Variants in EFCAB6 observed in about 807,000 individuals in gnomAD.
EFCAB6 encodes EF-hand calcium binding domain 6, also known as EF-hand calcium-binding domain-containing protein 6.
EFCAB6 carries 156 observed loss-of-function variants against 169.8 expected under a neutral mutation model. The ratio of observed to expected loss-of-function variants is 0.92; its 90% CI spans 0.81 to 1.05. EFCAB6 has a LOEUF of 1.05. EFCAB6 is among the 50% of genes least tolerant of loss of function. The pLI is 0.00. For synonymous variants in EFCAB6, 698 were observed against 676.4 expected, an observed-to-expected ratio of 1.03 and a Z score of -0.50; for missense variants, 1,800 against 1,829.1, an observed-to-expected ratio of 0.98 and a Z score of 0.29.
intron 6 of EFCAB6, among the ~76,000 whole-genome samples, chr22:43,741,960 C>CA (rs1227989408): frequency 2.6e-5 from 4 of 152,114 alleles, no homozygotes; most frequent in Non-Finnish European, 5.9e-5. Flanking sequence ...GAGGAGTACT[C>CA]AGAGAGCCAA....
At chr22:43,664,165 G>A (rs1325318510) in intron 17 of EFCAB6, among the ~76,000 whole-genome samples, 1 of 152,180 alleles carries the variant, frequency 6.6e-6, no homozygotes, top group East Asian at 1.9e-4. Flanking sequence ...GTAATTCATG[G>A]GGCAGAGAAG....
intron 27 of EFCAB6, among the ~76,000 whole-genome samples, chr22:43,550,142 G>A (rs1343664400): frequency 6.6e-6 from 1 of 152,224 alleles, no homozygotes; most frequent in Non-Finnish European, 1.5e-5. Flanking sequence ...GGGGAAGGCT[G>A]AAGTTCAGCC....
At chr22:43,794,424 C>T (rs1275096539) in intron 2 of EFCAB6, among the ~76,000 whole-genome samples, 1 of 152,108 alleles carries the variant, frequency 6.6e-6, no homozygotes, top group East Asian at 1.9e-4. Flanking sequence ...AAGCCAAGAC[C>T]CAAACTCCGG....
intron 3 of EFCAB6, among the ~76,000 whole-genome samples, chr22:43,776,246 G>C (rs553099168): frequency 6.6e-6 from 1 of 152,316 alleles, no homozygotes; most frequent in East Asian, 1.9e-4. Flanking sequence ...AAGAGGAGAA[G>C]GGGCCGTGGG....
At chr22:43,582,341 T>TACACACACAC (rs34578401) in intron 24 of EFCAB6, among the ~76,000 whole-genome samples, 52 of 148,368 alleles carry the variant, frequency 3.5e-4, no homozygotes, top group Admixed American at 8.0e-4. Flanking sequence ...TCTATACACA[T>TACACACACAC]ACACACACAC....
intron 8 of EFCAB6, 43 bp from the exon 9 acceptor site, chr22:43,717,015 GT>G: frequency 1.4e-6 from 2 of 1,416,150 alleles, no homozygotes; most frequent in Non-Finnish European, 1.8e-6. Flanking sequence ...ATTGTCAAAG[GT>G]TAAACATTTA....
intron 2 of EFCAB6, among the ~76,000 whole-genome samples, chr22:43,788,934 C>T: frequency 6.6e-6 from 1 of 152,222 alleles, no homozygotes; most frequent in Non-Finnish European, 1.5e-5. Flanking sequence ...CATGCAGTAA[C>T]ATGGATCAAC....
At chr22:43,617,467 GC>G (rs1278075025) in intron 20 of EFCAB6, among the ~76,000 whole-genome samples, 1 of 152,130 alleles carries the variant, frequency 6.6e-6, no homozygotes, top group Non-Finnish European at 1.5e-5. Flanking sequence ...AGAATATAAG[GC>G]TTGATTATTT....
chr22:43,651,439 G>A (rs183512564), intron 17 of EFCAB6, among the ~76,000 whole-genome samples: 22 of 152,368 alleles, frequency 1.4e-4, no homozygotes, highest in African/African-American at 3.8e-4. Context: ...CTACGGAAAC[G>A]CCTGGATGTC....
intron 27 of EFCAB6, chr22:43,551,800 C>T (rs1281835118): frequency 6.7e-6 from 1 of 150,282 alleles, no homozygotes; most frequent in Non-Finnish European, 1.5e-5. Flanking sequence ...AGGATAATGG[C>T]TTCTAACTCC....
intron 24 of EFCAB6, among the ~76,000 whole-genome samples, chr22:43,589,670 C>G (rs1457332598): frequency 6.6e-6 from 1 of 152,114 alleles, no homozygotes; most frequent in Admixed American, 6.5e-5. Flanking sequence ...CACCTGTAAT[C>G]CCAGCTACTT....
chr22:43,617,983 T>G (rs541779383), intron 20 of EFCAB6, among the ~76,000 whole-genome samples: 1 of 151,196 alleles, frequency 6.6e-6, no homozygotes, highest in Admixed American at 6.6e-5. Context: ...ACGCCTATAA[T>G]CCCAGCTACT....
intron 10 of EFCAB6, among the ~76,000 whole-genome samples, chr22:43,700,395 AT>A (rs1403057797): frequency 6.6e-6 from 1 of 152,154 alleles, no homozygotes; most frequent in Non-Finnish European, 1.5e-5. Flanking sequence ...AAGATTTTAG[AT>A]TTTATTTTAC....
chr22:43,810,059 G>T (rs2063058075), intron 1 of EFCAB6, among the ~76,000 whole-genome samples: 1 of 151,694 alleles, frequency 6.6e-6, no homozygotes, highest in South Asian at 2.1e-4. Context: ...TGCCACCATA[G>T]ATATGGGGGG....
At chr22:43,686,359 C>G (rs1001435325) in intron 11 of EFCAB6, among the ~76,000 whole-genome samples, 2 of 152,060 alleles carry the variant, frequency 1.3e-5, no homozygotes, top group Non-Finnish European at 2.9e-5. Context: ...AGGATGATGG[C>G]ATTTGTGTCT....
intron 9 of EFCAB6, 80 bp downstream of exon 9, chr22:43,716,768 T>C (rs1251799884): frequency 6.7e-7 from 1 of 1,502,842 alleles, no homozygotes; most frequent in African/African-American, 1.4e-5. Context: ...AGAAATAATG[T>C]GTAAACCTAA....
chr22:43,636,729 G>C (rs2055430165), intron 17 of EFCAB6, among the ~76,000 whole-genome samples: 1 of 150,502 alleles, frequency 6.6e-6, no homozygotes, highest in Admixed American at 6.6e-5. Flanking sequence ...TCCTGCCTCA[G>C]CCTCCCGAGT....
chr22:43,704,837 A>C (rs2058897355), intron 10 of EFCAB6, among the ~76,000 whole-genome samples: 1 of 152,126 alleles, frequency 6.6e-6, no homozygotes, highest in South Asian at 2.1e-4. Flanking sequence ...AGGAAGAAAG[A>C]AAGAAAATGC....
chr22:43,633,778 C>T (rs759463590), intron 18 of EFCAB6, among the ~76,000 whole-genome samples: 1 of 152,144 alleles, frequency 6.6e-6, no homozygotes, highest in Non-Finnish European at 1.5e-5. Context: ...GCATCCTCTG[C>T]CCCTCTTGAG....
Sources: allele counts gnomAD v4.1 joint callset (sites outside exome capture counted in the v4.1 genomes callset), GRCh38; gene constraint gnomAD v4.1.1; transcripts MANE v1.5; gene names NCBI Gene and HGNC (gene_info 2026-07-23, HGNC 2026-07-21).